BMP7: variants seen among roughly 807,000 people sequenced by gnomAD.
BMP7 encodes bone morphogenetic protein 7, also known as osteogenic protein 1.
A neutral mutation model predicts 41.2 loss-of-function variants in BMP7; 12 were observed. That is an observed-to-expected ratio of 0.29 (90% CI 0.19 to 0.47). The LOEUF (loss-of-function observed/expected upper bound fraction) is 0.47, where lower values mean the gene tolerates loss of function less well. Among genes scored for constraint, BMP7 ranks in the 20% least tolerant of loss-of-function variants. BMP7 has a pLI of 0.99. For synonymous variants in BMP7, 248 were observed against 250.0 expected, an observed-to-expected ratio of 0.99 and a Z score of 0.07; for missense variants, 467 against 606.0, an observed-to-expected ratio of 0.77 and a Z score of 2.41.
chr20:57,202,793 G>T (rs1434193479), intron 2 of BMP7, among the ~76,000 whole-genome samples, 170 bp from the exon 3 acceptor site: 1 of 152,220 alleles, frequency 6.6e-6, no homozygotes, highest in Non-Finnish European at 1.5e-5. Flanking sequence ...CCCCTCAGTA[G>T]CTGTGGTGAG....
At chr20:57,223,832 C>T (rs942609440) in intron 2 of BMP7, among the ~76,000 whole-genome samples, 14 of 152,162 alleles carry the variant, frequency 9.2e-5, no homozygotes, top group Non-Finnish European at 1.5e-4. Flanking sequence ...GGGCAAAACC[C>T]GCCCAGAGTC....
intron 1 of BMP7, among the ~76,000 whole-genome samples, chr20:57,254,606 C>G (rs1423652137): frequency 6.6e-6 from 1 of 151,554 alleles, no homozygotes; most frequent in African/African-American, 2.4e-5. Context: ...CTGCTACTTG[C>G]TTTCTCCTTC....
chr20:57,195,447 G>A (rs1250684458), intron 3 of BMP7, among the ~76,000 whole-genome samples: 3 of 152,002 alleles, frequency 2.0e-5, no homozygotes, highest in Admixed American at 6.5e-5. Context: ...ACCCAATTCC[G>A]CCCTCCCCAT....
intron 1 of BMP7, among the ~76,000 whole-genome samples, chr20:57,230,264 G>A (rs2123119122): frequency 6.6e-6 from 1 of 152,240 alleles, no homozygotes; most frequent in African/African-American, 2.4e-5. Context: ...GAAGGCCATG[G>A]GGATGTCACC....
chr20:57,191,552 G>C (rs1032621196), intron 3 of BMP7, among the ~76,000 whole-genome samples: 2 of 151,938 alleles, frequency 1.3e-5, no homozygotes, highest in African/African-American at 4.8e-5. Flanking sequence ...AAAACCCCGT[G>C]TTAGTAGAGA....
Position 57,259,187 on chromosome 20 carries a change from C to T in BMP7, c.418+6518G>A, listed in dbSNP as rs1425339834. Among the ~76,000 whole-genome samples the T allele has an allele frequency of 1.3e-5, 2 of 152,152 alleles. No homozygotes were observed. The highest frequency in any genetic ancestry group is 6.5e-5 in the Admixed American group (1 of 15,276). On this transcript the variant is annotated intron_variant, in intron 1 of 6. Transcript: ENST00000395863. This position sits in a 1 kb window ranked among gnomAD's most constrained non-coding sequence, Gnocchi z 4.7. The stretch of plus-strand genomic sequence containing the variant: ...ACCCACTGCTGTCACCGAGAACTTC[C>T]GTTACACGGCAGTGAAGCCCCCAAT...
In BMP7 at chr20:57,214,080, C is replaced by T. The variant is rs540875397; in HGVS notation, c.612-11457G>A. On this transcript the variant is annotated intron_variant, in intron 2 of 6. Coordinates refer to ENST00000395863, the MANE Select transcript of BMP7 (RefSeq NM_001719.3). The surrounding 1 kb of genome is among the most constrained non-coding windows in gnomAD (Gnocchi z 4.0). ...GATGGAACCATCTTAGAACAAGGTG[C>T]GGAGCGAGCCCTCTGAACCGTATGG... Among the ~76,000 whole-genome samples the T allele has an allele frequency of 1.1e-4, 17 of 152,264 alleles. No homozygotes were observed. The South Asian group carries it at 2.1e-3, about 19-fold the overall frequency.
At chr20:57,199,838 AG>A (rs1984581164) in intron 3 of BMP7, among the ~76,000 whole-genome samples, 1 of 152,234 alleles carries the variant, frequency 6.6e-6, no homozygotes, top group Non-Finnish European at 1.5e-5. Flanking sequence ...GGGCGCGCAC[AG>A]CACCTGGACA....
In BMP7 at chr20:57,171,564, A is replaced by G. The variant is rs745982321; in HGVS notation, c.1147-456T>C. On this transcript the variant is annotated intron_variant, in intron 6 of 6. Coordinates refer to ENST00000395863, the MANE Select transcript of BMP7 (RefSeq NM_001719.3). The surrounding 1 kb of genome is among the most constrained non-coding windows in gnomAD (Gnocchi z 4.5). ...TGAGTGCCACTGATAAGCAAAATAG[A>G]CCGAGGTAAGACAATAGGGAATAGT... 2.0e-5 allele frequency among the ~76,000 whole-genome samples: 3 copies of G among 152,172 alleles called. No homozygotes were observed. Among genetic ancestry groups the G allele is most frequent in the Non-Finnish European group, 4.4e-5 (3 of 68,042 alleles).
intron 3 of BMP7, among the ~76,000 whole-genome samples, chr20:57,196,235 C>T (rs1443189891): frequency 6.6e-6 from 1 of 152,186 alleles, no homozygotes; most frequent in Non-Finnish European, 1.5e-5. Context: ...CTCTCTGCAG[C>T]AGGCTTTGCG....
rs759611354 is a variant in BMP7, at chr20:57,174,562, T to C, written c.1035+369A>G. ...TCCGTCCCTCCCGTGGGAATGGGAA[T>C]GGGGTAAATGAAGTCAGAGGGCAGA... On this transcript the variant is annotated intron_variant, in intron 5 of 6. Coordinates refer to ENST00000395863, the MANE Select transcript of BMP7 (RefSeq NM_001719.3). The surrounding 1 kb of genome is among the most constrained non-coding windows in gnomAD (Gnocchi z 4.3). Among the ~76,000 whole-genome samples, 15 of 152,018 alleles carry C rather than the reference T, an allele frequency of 9.9e-5. No individual in the cohort carries two copies. Among genetic ancestry groups the C allele is most frequent in the Non-Finnish European group, 1.6e-4 (11 of 67,990 alleles).
intron 1 of BMP7, among the ~76,000 whole-genome samples, chr20:57,252,770 G>A (rs920259140): frequency 1.3e-5 from 2 of 152,146 alleles, no homozygotes; most frequent in Non-Finnish European, 2.9e-5. Flanking sequence ...TCACCACTGT[G>A]GGTCAGTGCG....
chr20:57,179,115 C>T (rs375487255), intron 4 of BMP7, among the ~76,000 whole-genome samples: 5 of 152,230 alleles, frequency 3.3e-5, no homozygotes, highest in African/African-American at 1.2e-4. Context: ...CCAGGGACTC[C>T]AGACCCTGCT....
At position 57,170,872 on chromosome 20, in the gene BMP7, G is replaced by T; in HGVS notation, c.*87C>A. The stretch of plus-strand genomic sequence containing the variant: ...ATAGGGAGGGGAAGGTCTCACAAAA[G>T]GCAGTTGGTCTGCTGGTTCCTGGCC... On this transcript the variant is annotated 3_prime_UTR_variant, in exon 7 of 7. Transcript: ENST00000395863. The T allele has an allele frequency of 6.5e-7, 1 of 1,540,258 alleles. No homozygotes were observed. Among genetic ancestry groups the T allele is most frequent in the East Asian group, 2.3e-5 (1 of 43,876 alleles).
intron 1 of BMP7, among the ~76,000 whole-genome samples, chr20:57,246,561 A>T (rs181109618): frequency 2.0e-5 from 3 of 152,348 alleles, no homozygotes; most frequent in Admixed American, 1.3e-4. Flanking sequence ...CTCCAAATCC[A>T]ATGATGCTTA....
At chr20:57,249,694 A>C (rs534297109) in intron 1 of BMP7, among the ~76,000 whole-genome samples, 6 of 152,308 alleles carry the variant, frequency 3.9e-5, no homozygotes, top group Admixed American at 2.0e-4. Flanking sequence ...ATCTCCAATG[A>C]ATTACAGCTG....
Position 57,248,955 on chromosome 20 carries a change from C to T in BMP7, c.418+16750G>A, listed in dbSNP as rs202200282. On this transcript the variant is annotated intron_variant, in intron 1 of 6. Transcript: ENST00000395863. Reference sequence around the variant, plus strand: ...CTGGGACTACAGGTGCCCACCACCACGCCCAGCTAATTTTTTTTTGTATTT... The same window carrying T: ...CTGGGACTACAGGTGCCCACCACCATGCCCAGCTAATTTTTTTTTGTATTT... Among the ~76,000 whole-genome samples the T allele has an allele frequency of 1.2e-4, 19 of 152,054 alleles. No individual in the cohort carries two copies. The East Asian group carries it at 3.1e-3, about 25-fold the overall frequency.
chr20:57,233,393 C>T (rs2123122127), intron 1 of BMP7, among the ~76,000 whole-genome samples: 1 of 152,328 alleles, frequency 6.6e-6, no homozygotes, highest in Admixed American at 6.5e-5. Flanking sequence ...TGACAGCAAG[C>T]AGACCCATCA....
chr20:57,253,586 G>A (rs1291116701), intron 1 of BMP7, among the ~76,000 whole-genome samples: 1 of 152,114 alleles, frequency 6.6e-6, no homozygotes, highest in Non-Finnish European at 1.5e-5. Flanking sequence ...GGCCTTCAGG[G>A]CATCATACTG....
Sources: gnomAD v4.1 joint callset for allele counts (sites outside exome capture counted in the v4.1 genomes callset) on GRCh38, gnomAD v4.1.1 for gene constraint, Gnocchi (gnomAD v3.1) non-coding constraint, MANE v1.5 for transcripts, NCBI Gene and HGNC (gene_info 2026-07-23, HGNC 2026-07-21) for gene names.